Variants in CSAD observed in about 807,000 individuals in gnomAD.
CSAD encodes the protein cysteine sulfinic acid decarboxylase.
CSAD carries 47 observed loss-of-function variants against 61.5 expected under a neutral mutation model. That is an observed-to-expected ratio of 0.76 (90% CI 0.60 to 0.97). The LOEUF is 0.97. Ranked by LOEUF, CSAD falls within the 50% of genes least tolerant of loss-of-function variation. The probability of loss-of-function intolerance (pLI) is 0.00; values close to 1 mark genes in which losing one functional copy is unlikely to be tolerated. For missense variants in CSAD, 611 were observed against 643.6 expected, an observed-to-expected ratio of 0.95 and a Z score of 0.55; for synonymous variants, 245 against 252.7, an observed-to-expected ratio of 0.97 and a Z score of 0.29.
chr12:53,176,510 G>A (rs1188205087), intron 2 of CSAD, among the ~76,000 whole-genome samples: 1 of 151,992 alleles, frequency 6.6e-6, no homozygotes, highest in Non-Finnish European at 1.5e-5. Context: ...ACGAGGTCAG[G>A]AGATCGAGAC....
intron 2 of CSAD, chr12:53,178,440 C>A (rs2121522138): frequency 4.5e-6 from 2 of 448,458 alleles, no homozygotes; most frequent in South Asian, 3.1e-5. Flanking sequence ...TGCAGTGTGC[C>A]CTGACTGCAC....
intron 4 of CSAD, chr12:53,173,134 G>A (rs1275828135): frequency 2.2e-5 from 11 of 491,616 alleles, no homozygotes; most frequent in South Asian, 1.8e-4. Context: ...CTTGAGCCCG[G>A]GAGACGGAGG....
chr12:53,165,414 AC>A (rs1302585063), intron 10 of CSAD, among the ~76,000 whole-genome samples: 8 of 151,646 alleles, frequency 5.3e-5, no homozygotes, highest in Non-Finnish European at 1.0e-4. Flanking sequence ...TGATCCCAGC[AC>A]TTTGGGAGGC....
In CSAD at chr12:53,168,539, C is replaced by G. The variant is rs548289151; in HGVS notation, c.702+1533G>C. ...AAATAACAAAAATGGGCTCATAGGG[C>G]TCATAATGTCCATTCTATACGGCAA... On this transcript the variant is annotated intron_variant, in intron 10 of 16. Coordinates refer to ENST00000444623, the MANE Select transcript of CSAD (RefSeq NM_001244705.2). 1.2e-4 allele frequency among the ~76,000 whole-genome samples: 19 copies of G among 152,146 alleles called. No homozygotes were observed. In the East Asian group the frequency reaches 3.5e-3, roughly 28 times the overall value.
chr12:53,173,810 G>A (rs1940873122), intron 2 of CSAD, 40 bp from the exon 3 acceptor site: 14 of 1,604,974 alleles, frequency 8.7e-6, no homozygotes, highest in Non-Finnish European at 1.2e-5. Flanking sequence ...GAAGTGGGGT[G>A]AAAAGTGTAC....
intron 10 of CSAD, among the ~76,000 whole-genome samples, chr12:53,169,410 C>T (rs922478112): frequency 1.3e-4 from 19 of 148,700 alleles, no homozygotes; most frequent in African/African-American, 4.5e-4. Context: ...ACCTGAGAGG[C>T]GGAGGTTGCA....
chr12:53,162,992 CGGAGG>C (rs1253767321), intron 10 of CSAD, among the ~76,000 whole-genome samples: 9 of 150,902 alleles, frequency 6.0e-5, no homozygotes, highest in Non-Finnish European at 1.2e-4. Flanking sequence ...ACCCGGGAGG[CGGAGG>C]TTGCTGTGAG....
At chr12:53,172,788 A>G (rs965959907) in intron 4 of CSAD, 140 bp from the exon 5 acceptor site, 11 of 996,854 alleles carry the variant, frequency 1.1e-5, no homozygotes, top group Non-Finnish European at 1.4e-5. Context: ...TCTGAAAATG[A>G]ACAAGAGTAG....
Position 53,170,229 on chromosome 12 carries a change from CA to C in CSAD, c.648-104del, listed in dbSNP as rs1940398160. The C allele has an allele frequency of 2.0e-5, 24 of 1,171,310 alleles. No homozygotes were observed. The South Asian group carries it at 2.9e-4, about 14-fold the overall frequency. The allele number at this position is 1,171,310 out of a possible 1,614,324, so 72.6% of individuals were successfully genotyped here. A position where few individuals can be genotyped will look rare whatever the true frequency, so the allele number is the denominator to read the frequency against. ...GAGACAACAGTGCTAGTTTTTCCCTCAGGGGGTGAAACAGATCTCAGGGCAG... is the reference window on the plus strand; with the variant it reads ...GAGACAACAGTGCTAGTTTTTCCCTCGGGGGTGAAACAGATCTCAGGGCAG... On this transcript the variant is annotated intron_variant, in intron 9 of 16. Coordinates refer to ENST00000444623, the MANE Select transcript of CSAD (RefSeq NM_001244705.2).
At position 53,172,636 on chromosome 12, in the gene CSAD, TC is replaced by T; in HGVS notation, c.138del (p.Trp46Ter). ...GTSVSQKVCE[W>X]KEPEELKQLL... ...AGCTGCTTCAGCTCCTCAGGCTCCTTCCACTCACAGACCTAGGAAGAGAGCC... is the reference window on the plus strand; with the variant it reads ...AGCTGCTTCAGCTCCTCAGGCTCCTTCACTCACAGACCTAGGAAGAGAGCC... On this transcript the variant is annotated frameshift_variant, in exon 5 of 17. Coordinates refer to ENST00000444623, the MANE Select transcript of CSAD (RefSeq NM_001244705.2). LOFTEE classifies it high-confidence loss of function. 6.2e-7 allele frequency: 1 copy of T among 1,607,318 alleles called. No individual in the cohort carries two copies. Among genetic ancestry groups the T allele is most frequent in the Middle Eastern group, 1.9e-4 (1 of 5,248 alleles).
In CSAD at chr12:53,160,331, T is replaced by C; in HGVS notation, c.967-12A>G. 6.2e-7 allele frequency: 1 copy of C among 1,613,612 alleles called. No individual in the cohort carries two copies. Among genetic ancestry groups the C allele is most frequent in the Non-Finnish European group, 8.5e-7 (1 of 1,179,700 alleles). Reference sequence around the variant, plus strand: ...CGCTTGAGCAGGTTCTGTGTGGGGGTGAGGAGATTGTCAGACCCTACCCTC... The same window carrying C: ...CGCTTGAGCAGGTTCTGTGTGGGGGCGAGGAGATTGTCAGACCCTACCCTC... On this transcript the variant is annotated splice_polypyrimidine_tract_variant and intron_variant, in intron 13 of 16. Coordinates refer to ENST00000444623, the MANE Select transcript of CSAD (RefSeq NM_001244705.2).
In CSAD at chr12:53,160,147, C is replaced by T. The variant is rs746587061; in HGVS notation, c.1139G>A (p.Arg380His). 9 of 1,613,508 alleles carry T rather than the reference C, an allele frequency of 5.6e-6. No individual in the cohort carries two copies. Among genetic ancestry groups the T allele is most frequent in the East Asian group, 2.2e-5 (1 of 44,878 alleles). The change falls in exon 14 of 17, where the codon CGC (arginine) becomes CAC (histidine). Residue 380 changes from arginine to histidine, a missense_variant. Physicochemically the swap from Arg to His is conservative, Grantham distance 29 (BLOSUM62 0). Coordinates refer to ENST00000444623, the MANE Select transcript of CSAD (RefSeq NM_001244705.2). Reference protein sequence around the residue: ...KAQGDQGLERRIDQAFVLARY... With the variant: ...KAQGDQGLERHIDQAFVLARY... ...GGCAAGGACAAAGGCCTGGTCGATG[C>T]GCCGCTCCAGCCCTTGATCGCCCTG...
rs1031158337 is a variant in CSAD, at chr12:53,173,957, C to T, written c.-49-187G>A. Reference sequence around the variant, plus strand: ...TCTCCCCTTCCCCGACCCCTGGCAACTACTAATCTACTTTGTTTCTGTAGA... The same window carrying T: ...TCTCCCCTTCCCCGACCCCTGGCAATTACTAATCTACTTTGTTTCTGTAGA... On this transcript the variant is annotated intron_variant, in intron 2 of 16. Transcript: ENST00000444623. 4.9e-6 allele frequency: 3 copies of T among 611,158 alleles called. No homozygotes were observed. In the African/African-American group the frequency reaches 5.6e-5, roughly 11 times the overall value. The allele number at this position is 611,158 out of a possible 1,614,324, so 37.9% of individuals were successfully genotyped here. A position where few individuals can be genotyped will look rare whatever the true frequency, so the allele number is the denominator to read the frequency against.
At chr12:53,181,110 G>A, upstream of CSAD, 4 of 950,878 alleles carry the variant, frequency 4.2e-6, no homozygotes, top group Non-Finnish European at 5.0e-6. Flanking sequence ...GCACTCTCCG[G>A]CTCTGCTCCC....
chr12:53,163,311 G>A (rs1260225397), intron 10 of CSAD, among the ~76,000 whole-genome samples: 1 of 152,118 alleles, frequency 6.6e-6, no homozygotes, highest in African/African-American at 2.4e-5. Flanking sequence ...GGTCAAGGCT[G>A]CAGTGAGCCC....
rs745653871 is a variant in CSAD, at chr12:53,159,938, C to T, written c.1167G>A (p.Arg389=). 2.4e-5 allele frequency: 39 copies of T among 1,606,256 alleles called. No homozygotes were observed. In the Admixed American group the frequency reaches 6.1e-4, roughly 25 times the overall value. The change falls in exon 15 of 17, where the codon CGG becomes CGA. Residue 389 remains arginine, a splice_region_variant and synonymous_variant. Coordinates refer to ENST00000444623, the MANE Select transcript of CSAD (RefSeq NM_001244705.2). ...RRIDQAFVLA[R]YLVEEMKKRE... ...GCTTCTTCATTTCCTCCACCAGGTA[C>T]CTGTGAACAGAGAGTGAGAAACCAT...
At chr12:53,172,933 C>T (rs554117940) in intron 4 of CSAD, among the ~76,000 whole-genome samples, 26 of 152,300 alleles carry the variant, frequency 1.7e-4, no homozygotes, top group African/African-American at 6.3e-4. Flanking sequence ...TTGGGCCAGG[C>T]GTGGTAGCTC....
chr12:53,171,471 G>A, intron 7 of CSAD, 30 bp from the exon 8 acceptor site: 1 of 1,609,806 alleles, frequency 6.2e-7, no homozygotes, highest in Non-Finnish European at 8.5e-7. Context: ...GTGGCAAGAG[G>A]AAGGAGCAGT....
At chr12:53,163,092 G>A (rs181299380) in intron 10 of CSAD, among the ~76,000 whole-genome samples, 1 of 151,058 alleles carries the variant, frequency 6.6e-6, no homozygotes, top group East Asian at 1.9e-4. Flanking sequence ...AAATAGACAG[G>A]TGTATAGGGG....
Sources: allele counts gnomAD v4.1 joint callset (sites outside exome capture counted in the v4.1 genomes callset), GRCh38; gene constraint gnomAD v4.1.1; transcripts MANE v1.5; gene names NCBI Gene and HGNC (gene_info 2026-07-23, HGNC 2026-07-21).